CELSR1: variants seen among roughly 807,000 people sequenced by gnomAD.
CELSR1 encodes cadherin EGF LAG seven-pass G-type receptor 1, also known as adhesion G protein-coupled receptor C1.
Under a neutral mutation model 249.1 loss-of-function variants are expected in CELSR1, and 110 were observed. That is an observed-to-expected ratio of 0.44 (90% CI 0.38 to 0.52). The LOEUF (loss-of-function observed/expected upper bound fraction) is 0.52, where lower values mean the gene tolerates loss of function less well. Ranked by LOEUF, CELSR1 falls within the 20% of genes least tolerant of loss-of-function variation. The probability of loss-of-function intolerance (pLI) is 0.00; values close to 1 mark genes in which losing one functional copy is unlikely to be tolerated. For missense variants in CELSR1, 4,109 were observed against 4,296.4 expected, an observed-to-expected ratio of 0.96 and a Z score of 1.22; for synonymous variants, 2,113 against 1,900.0, an observed-to-expected ratio of 1.11 and a Z score of -2.92.
chr22:46,519,911 G>A (rs5768875), intron 1 of CELSR1, among the ~76,000 whole-genome samples: 120 of 140,598 alleles, frequency 8.5e-4, no homozygotes, highest in East Asian at 5.9e-3. Flanking sequence ...TTCGCTCATC[G>A]CCCAGGCTGG....
rs1024290975 is a variant in CELSR1, at chr22:46,402,238, CAG to C, written c.5227-2338_5227-2337del. ...CTTTTTCTTTTTTTTTTTTTTGAGA[CAG>C]AGTTTCACTCTTGTTGCCCAGGCTG... On this transcript the variant is annotated intron_variant, in intron 9 of 34. Transcript: ENST00000674500. This position sits in a 1 kb window ranked among gnomAD's most constrained non-coding sequence, Gnocchi z 5.0. Among the ~76,000 whole-genome samples the C allele has an allele frequency of 2.0e-5, 3 of 148,318 alleles. No individual in the cohort carries two copies. The highest frequency in any genetic ancestry group is 7.5e-5 in the African/African-American group (3 of 40,160).
chr22:46,399,141 G>A lies in CELSR1; in HGVS notation c.5413-504C>T, dbSNP rs1056985643. The stretch of plus-strand genomic sequence containing the variant: ...CAAGAGCTCTTGGAGATCCCAGGTC[G>A]CCCCTTAAGTGTGTGGGCATTTCAC... On this transcript the variant is annotated intron_variant, in intron 10 of 34. Transcript: ENST00000674500. The surrounding 1 kb of genome is among the most constrained non-coding windows in gnomAD (Gnocchi z 5.0). Among the ~76,000 whole-genome samples, 3 of 152,182 alleles carry A rather than the reference G, an allele frequency of 2.0e-5. No homozygotes were observed. The highest frequency in any genetic ancestry group is 2.9e-5 in the Non-Finnish European group (2 of 68,034).
At position 46,437,673 on chromosome 22, in the gene CELSR1, C is replaced by T. The variant is rs1052260725; in HGVS notation, c.4407-1384G>A. 6.6e-6 allele frequency among the ~76,000 whole-genome samples: 1 copy of T among 151,792 alleles called. No homozygotes were observed. The highest frequency in any genetic ancestry group is 2.4e-5 in the African/African-American group (1 of 41,236). ...GGTTGAGGCAGGAGAATTGCTTGAACCTGGGAGGCGGAAGTTGCAGTGAGC... is the reference window on the plus strand; with the variant it reads ...GGTTGAGGCAGGAGAATTGCTTGAATCTGGGAGGCGGAAGTTGCAGTGAGC... On this transcript the variant is annotated intron_variant, in intron 3 of 34. Transcript: ENST00000674500. The surrounding 1 kb of genome is among the most constrained non-coding windows in gnomAD (Gnocchi z 4.9).
chr22:46,436,594 T>C lies in CELSR1; in HGVS notation c.4407-305A>G, dbSNP rs2147449594. ...GACCAGCGGCCAGGACACCTGTTAC[T>C]GATGTGTTTGGGCAAAGCACGTGCT... On this transcript the variant is annotated intron_variant, in intron 3 of 34. Transcript: ENST00000674500. The surrounding 1 kb of genome is among the most constrained non-coding windows in gnomAD (Gnocchi z 5.9). 6.6e-6 allele frequency among the ~76,000 whole-genome samples: 1 copy of C among 152,286 alleles called. No individual in the cohort carries two copies. The highest frequency in any genetic ancestry group is 2.1e-4 in the South Asian group (1 of 4,822).
chr22:46,497,171 C>G (rs933754170), intron 1 of CELSR1, among the ~76,000 whole-genome samples: 7 of 152,192 alleles, frequency 4.6e-5, no homozygotes, highest in Admixed American at 2.6e-4. Flanking sequence ...GCAGCCCGTC[C>G]TTGACAGAAA....
chr22:46,502,982 G>C (rs754194674), intron 1 of CELSR1, among the ~76,000 whole-genome samples: 1 of 152,210 alleles, frequency 6.6e-6, no homozygotes, highest in Non-Finnish European at 1.5e-5. Context: ...TCGGAGAGAA[G>C]ATCAAAGGCT....
chr22:46,441,282 A>G lies in CELSR1; in HGVS notation c.4184-1871T>C, dbSNP rs2079745374. ...CTTCCTGGAGCCCAGACCTCGCTGGAGTCCCCAGAGTGGGATGGCTCCACG... is the reference window on the plus strand; with the variant it reads ...CTTCCTGGAGCCCAGACCTCGCTGGGGTCCCCAGAGTGGGATGGCTCCACG... On this transcript the variant is annotated intron_variant, in intron 2 of 34. Coordinates refer to ENST00000674500, the MANE Select transcript of CELSR1 (RefSeq NM_001378328.1). The surrounding 1 kb of genome is among the most constrained non-coding windows in gnomAD (Gnocchi z 6.1). Among the ~76,000 whole-genome samples the G allele has an allele frequency of 6.6e-6, 1 of 152,056 alleles. No individual in the cohort carries two copies. Among genetic ancestry groups the G allele is most frequent in the Admixed American group, 6.6e-5 (1 of 15,262 alleles).
intron 5 of CELSR1, among the ~76,000 whole-genome samples, chr22:46,431,757 A>G (rs1287855143): frequency 1.3e-5 from 2 of 152,242 alleles, no homozygotes; most frequent in African/African-American, 4.8e-5. Flanking sequence ...ACAGGACGGC[A>G]CCGTATCAAG....
At chr22:46,377,319 T>C in intron 23 of CELSR1, 58 bp from the exon 24 acceptor site, 1 of 1,536,654 alleles carries the variant, frequency 6.5e-7, no homozygotes, top group African/African-American at 1.4e-5. Flanking sequence ...TCAGATCTGG[T>C]CATTGCATAA....
At chr22:46,482,253 G>A (rs2080273961) in intron 1 of CELSR1, among the ~76,000 whole-genome samples, 1 of 152,184 alleles carries the variant, frequency 6.6e-6, no homozygotes, top group South Asian at 2.1e-4. Context: ...GAGGATCTGG[G>A]TGGCCACAGG....
intron 1 of CELSR1, among the ~76,000 whole-genome samples, chr22:46,478,567 G>A (rs1353293862): frequency 6.6e-6 from 1 of 151,140 alleles, no homozygotes; most frequent in South Asian, 2.1e-4. Context: ...TTTTGAGATG[G>A]AGTCTCACAC....
At chr22:46,524,283 G>A (rs974080018) in intron 1 of CELSR1, among the ~76,000 whole-genome samples, 4 of 152,194 alleles carry the variant, frequency 2.6e-5, no homozygotes, top group Non-Finnish European at 4.4e-5. Flanking sequence ...AGACCCAGGC[G>A]GTCCCGCGCC....
At chr22:46,449,321 CCATCCATCCAACCACATCACA>C (rs2079855320) in intron 2 of CELSR1, among the ~76,000 whole-genome samples, 2 of 150,890 alleles carry the variant, frequency 1.3e-5, no homozygotes, top group Admixed American at 6.6e-5. Context: ...ATCCATCCAT[CCATCCATCCAACCACATCACA>C]CATCCATCCA....
At chr22:46,513,954 C>A (rs1304894585) in intron 1 of CELSR1, among the ~76,000 whole-genome samples, 1 of 151,272 alleles carries the variant, frequency 6.6e-6, no homozygotes, top group African/African-American at 2.5e-5. Flanking sequence ...GCATCCACAC[C>A]CAGCTAATTT....
At chr22:46,382,890 G>A (rs947133247) in intron 20 of CELSR1, among the ~76,000 whole-genome samples, 1 of 152,200 alleles carries the variant, frequency 6.6e-6, no homozygotes, top group African/African-American at 2.4e-5. Context: ...AGGGGCTGGG[G>A]AGGAGAGTTA....
At position 46,428,976 on chromosome 22, in the gene CELSR1, C is replaced by CT. The variant is rs925505169; in HGVS notation, c.4611+4416_4611+4417insA. On this transcript the variant is annotated intron_variant, in intron 5 of 34. Coordinates refer to ENST00000674500, the MANE Select transcript of CELSR1 (RefSeq NM_001378328.1). This position sits in a 1 kb window ranked among gnomAD's most constrained non-coding sequence, Gnocchi z 5.7. ...ACGAGCCACCCTTGCTTCCCCAGGG[C>CT]CCCGTTAAACATCTTGCTGGCACGT... 6.6e-6 allele frequency among the ~76,000 whole-genome samples: 1 copy of CT among 152,160 alleles called. No individual in the cohort carries two copies. Among genetic ancestry groups the CT allele is most frequent in the African/African-American group, 2.4e-5 (1 of 41,450 alleles).
At position 46,454,669 on chromosome 22, in the gene CELSR1, G is replaced by A. The variant is rs892911168; in HGVS notation, c.4183+9038C>T. On this transcript the variant is annotated intron_variant, in intron 2 of 34. Coordinates refer to ENST00000674500, the MANE Select transcript of CELSR1 (RefSeq NM_001378328.1). The surrounding 1 kb of genome is among the most constrained non-coding windows in gnomAD (Gnocchi z 5.1). ...CAGCTCGCCCACCTCCAAGCTGTCC[G>A]GGTGGGACGCGGGAAACCCTCTGCT... 2.0e-5 allele frequency among the ~76,000 whole-genome samples: 3 copies of A among 152,344 alleles called. No homozygotes were observed. The highest frequency in any genetic ancestry group is 1.9e-4 in the East Asian group (1 of 5,184).
intron 25 of CELSR1, among the ~76,000 whole-genome samples, chr22:46,371,003 C>T (rs1039510965): frequency 6.6e-6 from 1 of 152,202 alleles, no homozygotes; most frequent in Non-Finnish European, 1.5e-5. Context: ...GGTGGCTTTT[C>T]GACAAAGCCA....
intron 3 of CELSR1, 61 bp downstream of exon 3, chr22:46,439,128 C>T (rs1329933043): frequency 1.7e-5 from 25 of 1,475,098 alleles, no homozygotes; most frequent in Admixed American, 5.3e-5. Flanking sequence ...ATGGGGTGCA[C>T]GGAGAAGCTC....
Sources: gnomAD v4.1 joint callset for allele counts (sites outside exome capture counted in the v4.1 genomes callset) on GRCh38, gnomAD v4.1.1 for gene constraint, Gnocchi (gnomAD v3.1) non-coding constraint, MANE v1.5 for transcripts, NCBI Gene and HGNC (gene_info 2026-07-23, HGNC 2026-07-21) for gene names.